ARHGAP22: variants seen among roughly 807,000 people sequenced by gnomAD.
ARHGAP22 encodes the protein Rho GTPase activating protein 22, also known as rho GTPase-activating protein 22.
A neutral mutation model predicts 59.1 loss-of-function variants in ARHGAP22; 48 were observed. The ratio of observed to expected loss-of-function variants is 0.81; its 90% confidence interval spans 0.64 to 1.03. ARHGAP22 has a LOEUF of 1.03. Ranked by LOEUF, ARHGAP22 falls within the 50% of genes least tolerant of loss-of-function variation. The probability of loss-of-function intolerance (pLI) is 0.00; values close to 1 mark genes in which losing one functional copy is unlikely to be tolerated. For synonymous variants in ARHGAP22, 445 were observed against 416.4 expected (o/e 1.07, Z -0.84); for missense variants, 1,015 against 958.7 (o/e 1.06, Z -0.78).
At chr10:48,574,306 C>T (rs1210186208) in intron 2 of ARHGAP22, among the ~76,000 whole-genome samples, 1 of 152,124 alleles carries the variant, frequency 6.6e-6, no homozygotes, top group Non-Finnish European at 1.5e-5. Context: ...GTGTCAAGTA[C>T]CGCTAGGTGA....
chr10:48,538,777 TA>T (rs2055616483), intron 3 of ARHGAP22, among the ~76,000 whole-genome samples: 1 of 152,190 alleles, frequency 6.6e-6, no homozygotes, highest in Non-Finnish European at 1.5e-5. Flanking sequence ...TCCATCATGA[TA>T]GAAATCTTCA....
intron 2 of ARHGAP22, among the ~76,000 whole-genome samples, chr10:48,560,037 A>C (rs2135380272): frequency 6.6e-6 from 1 of 152,332 alleles, no homozygotes. Context: ...AATCCCTGGA[A>C]CATGTGAATA....
chr10:48,446,000 C>T (rs1001917862), downstream of ARHGAP22: 11 of 268,928 alleles, frequency 4.1e-5, no homozygotes, highest in South Asian at 2.8e-4. Context: ...TCCTGTATTG[C>T]GAGGCATGAA....
intron 1 of ARHGAP22, among the ~76,000 whole-genome samples, chr10:48,626,564 T>C (rs1268415716): frequency 6.6e-6 from 1 of 152,208 alleles, no homozygotes; most frequent in Admixed American, 6.5e-5. Flanking sequence ...CTGAATATCC[T>C]GGCAGATATT....
chr10:48,488,656 A>G (rs918375543), intron 3 of ARHGAP22, among the ~76,000 whole-genome samples: 1 of 152,182 alleles, frequency 6.6e-6, no homozygotes, highest in African/African-American at 2.4e-5. Context: ...ACGCCCTACA[A>G]GCTGTTAGGT....
intron 1 of ARHGAP22, among the ~76,000 whole-genome samples, chr10:48,633,663 G>A (rs186457254): frequency 1.1e-4 from 16 of 152,352 alleles, no homozygotes; most frequent in East Asian, 7.7e-4. Context: ...CCCAGGCCTG[G>A]CTTTCTCTAG....
chr10:48,577,997 CG>C (rs1206497961), intron 2 of ARHGAP22, among the ~76,000 whole-genome samples: 2 of 151,718 alleles, frequency 1.3e-5, no homozygotes, highest in Non-Finnish European at 2.9e-5. Flanking sequence ...TTAGTAGAAA[CG>C]GGGTTTCACC....
At chr10:48,558,350 T>G (rs867741947) in intron 2 of ARHGAP22, among the ~76,000 whole-genome samples, 6 of 147,262 alleles carry the variant, frequency 4.1e-5, no homozygotes, top group Non-Finnish European at 7.6e-5. Context: ...GTTTTTTTTT[T>G]GTTTTTTTGT....
intron 3 of ARHGAP22, among the ~76,000 whole-genome samples, chr10:48,548,346 C>A (rs551317595): frequency 6.6e-6 from 1 of 152,056 alleles, no homozygotes; most frequent in Non-Finnish European, 1.5e-5. Context: ...TCCACTCCCC[C>A]GGCCCCACCC....
chr10:48,556,182 C>T (rs1024658151), intron 2 of ARHGAP22, among the ~76,000 whole-genome samples: 18 of 152,114 alleles, frequency 1.2e-4, no homozygotes, highest in African/African-American at 2.4e-4. Context: ...GGTATAGGGA[C>T]GGGGAGGCTG....
intron 4 of ARHGAP22, among the ~76,000 whole-genome samples, chr10:48,464,427 G>A (rs887523802): frequency 6.6e-6 from 1 of 152,236 alleles, no homozygotes; most frequent in Non-Finnish European, 1.5e-5. Context: ...GACATCCACA[G>A]GGTCCTGGGC....
At chr10:48,489,728 C>CCCTT in intron 3 of ARHGAP22, among the ~76,000 whole-genome samples, 1 of 141,476 alleles carries the variant, frequency 7.1e-6, no homozygotes, top group African/African-American at 2.6e-5. Flanking sequence ...CTGAGGCTGC[C>CCCTT]TCTTTTTTTT....
chr10:48,468,083 G>C (rs1224780283), intron 4 of ARHGAP22, among the ~76,000 whole-genome samples: 1 of 152,200 alleles, frequency 6.6e-6, no homozygotes, highest in East Asian at 1.9e-4. Flanking sequence ...ATGAACAAAA[G>C]ATCAAAGTTT....
chr10:48,442,098 A>G (rs865968408), downstream of ARHGAP22, among the ~76,000 whole-genome samples: 1 of 152,300 alleles, frequency 6.6e-6, no homozygotes. Context: ...AAAGTGTGAC[A>G]TGAGTACACT....
At chr10:48,486,574 A>G (rs1176586309) in intron 3 of ARHGAP22, among the ~76,000 whole-genome samples, 1 of 152,218 alleles carries the variant, frequency 6.6e-6, no homozygotes, top group Non-Finnish European at 1.5e-5. Flanking sequence ...TCCTGACCTC[A>G]GATGATCCAC....
chr10:48,613,886 C>T (rs953340691), intron 1 of ARHGAP22, among the ~76,000 whole-genome samples: 2 of 152,142 alleles, frequency 1.3e-5, no homozygotes, highest in African/African-American at 4.8e-5. Context: ...GGACATTGCC[C>T]TCATGAACGA....
At chr10:48,608,750 A>G (rs978282117), upstream of ARHGAP22, among the ~76,000 whole-genome samples, 2 of 152,352 alleles carry the variant, frequency 1.3e-5, no homozygotes, top group East Asian at 1.9e-4. Flanking sequence ...GAGAGTACCA[A>G]TGACATAACT....
intron 3 of ARHGAP22, chr10:48,533,044 A>G (rs1023931547): frequency 1.3e-5 from 2 of 152,202 alleles, no homozygotes; most frequent in African/African-American, 2.4e-5. Context: ...AGCACAGTGC[A>G]TGGAAGCCAA....
At chr10:48,574,193 T>G (rs1024932443) in intron 2 of ARHGAP22, among the ~76,000 whole-genome samples, 1 of 152,174 alleles carries the variant, frequency 6.6e-6, no homozygotes, top group African/African-American at 2.4e-5. Flanking sequence ...AATACAAATA[T>G]GGGTCACACT....
Sources: gnomAD v4.1 joint callset for allele counts (sites outside exome capture counted in the v4.1 genomes callset) on GRCh38, gnomAD v4.1.1 for gene constraint, MANE v1.5 for transcripts, NCBI Gene and HGNC (gene_info 2026-07-23, HGNC 2026-07-21) for gene names.